MYCBP2: variants seen among roughly 807,000 people sequenced by gnomAD.
The protein encoded by MYCBP2 is E3 ubiquitin-protein ligase MYCBP2.
A neutral mutation model predicts 525.3 loss-of-function variants in MYCBP2; 120 were observed. That is an observed-to-expected ratio of 0.23 (90% confidence interval 0.20 to 0.27). The LOEUF (loss-of-function observed/expected upper bound fraction) is 0.27, where lower values mean the gene tolerates loss of function less well. MYCBP2 is among the 10% of genes least tolerant of loss of function. The pLI, the probability that MYCBP2 is intolerant of heterozygous loss-of-function variation, is 1.00. For missense variants in MYCBP2, 4,149 were observed against 5,657.1 expected (o/e 0.73, Z 8.55); for synonymous variants, 1,894 against 1,955.8 (o/e 0.97, Z 0.83).
intron 59 of MYCBP2, among the ~76,000 whole-genome samples, chr13:77,091,889 C>T (rs1353355734): frequency 6.6e-6 from 1 of 152,038 alleles, no homozygotes; most frequent in African/African-American, 2.4e-5. Flanking sequence ...ATGAGAATCA[C>T]ACTTGTCAGA....
intron 73 of MYCBP2, among the ~76,000 whole-genome samples, chr13:77,063,136 T>C (rs1253880352): frequency 1.3e-4 from 20 of 152,234 alleles, no homozygotes; most frequent in Non-Finnish European, 2.1e-4. Flanking sequence ...AGGTACACAT[T>C]AAATCCTTCT....
chr13:77,270,968 A>G (rs1330418597), intron 5 of MYCBP2, among the ~76,000 whole-genome samples: 1 of 151,842 alleles, frequency 6.6e-6, no homozygotes, highest in Non-Finnish European at 1.5e-5. Flanking sequence ...CTTCAACCAT[A>G]TTATACAATA....
intron 3 of MYCBP2, among the ~76,000 whole-genome samples, chr13:77,286,985 C>T (rs1358584891): frequency 2.2e-5 from 3 of 133,336 alleles, no homozygotes; most frequent in South Asian, 5.0e-4. Flanking sequence ...CCCGGGTTCA[C>T]GCCATTCTCC....
At position 77,190,287 on chromosome 13, in the gene MYCBP2, A is replaced by G. The variant is rs750692290; in HGVS notation, c.4119T>C (p.Asp1373=). ...ACTGAGGTATCTGACCCGCATTAACATCTGTACCATTATTTGATTTCTTTG... is the reference window on the plus strand; with the variant it reads ...ACTGAGGTATCTGACCCGCATTAACGTCTGTACCATTATTTGATTTCTTTG... ...KSSKKSNNGT[D]VNAGQIPQLL... The change falls in exon 29 of 83, where the codon GAT becomes GAC. Residue 1373 remains aspartate (D), a synonymous_variant. Coordinates refer to ENST00000544440, the MANE Select transcript of MYCBP2 (RefSeq NM_015057.5). 3 of 1,610,200 alleles carry G rather than the reference A, an allele frequency of 1.9e-6. No individual in the cohort carries two copies. The East Asian group carries it at 6.7e-5, about 36-fold the overall frequency.
intron 58 of MYCBP2, among the ~76,000 whole-genome samples, chr13:77,094,961 G>T (rs193244858): frequency 1.2e-4 from 19 of 152,234 alleles, no homozygotes; most frequent in Non-Finnish European, 2.1e-4. Flanking sequence ...AGGCTGGTAG[G>T]TGCCCAGTTG....
chr13:77,089,313 T>A lies in MYCBP2; in HGVS notation c.10526-282A>T, dbSNP rs980616326. Among the ~76,000 whole-genome samples, 5 of 152,262 alleles carry A rather than the reference T, an allele frequency of 3.3e-5. No individual in the cohort carries two copies. In the East Asian group the frequency reaches 9.7e-4, roughly 29 times the overall value. On this transcript the variant is annotated intron_variant, in intron 60 of 82. Coordinates refer to ENST00000544440, the MANE Select transcript of MYCBP2 (RefSeq NM_015057.5). Reference sequence around the variant, plus strand: ...CACTCTAAAAGCTAAGTGATTTATATTTTCTCTAAATGAAATCTACATCTC... The same window carrying A: ...CACTCTAAAAGCTAAGTGATTTATAATTTCTCTAAATGAAATCTACATCTC...
intron 54 of MYCBP2, among the ~76,000 whole-genome samples, chr13:77,123,163 C>T (rs2051049876): frequency 6.6e-6 from 1 of 152,146 alleles, no homozygotes; most frequent in Non-Finnish European, 1.5e-5. Flanking sequence ...AATATTATCA[C>T]CAATGAACAG....
intron 18 of MYCBP2, among the ~76,000 whole-genome samples, chr13:77,227,895 G>T (rs2066525641): frequency 6.6e-6 from 1 of 152,010 alleles, no homozygotes; most frequent in African/African-American, 2.4e-5. Flanking sequence ...GTTATTTAGA[G>T]GTCAAAATAA....
At chr13:77,322,973 G>A (rs1432063981) in intron 1 of MYCBP2, among the ~76,000 whole-genome samples, 1 of 152,122 alleles carries the variant, frequency 6.6e-6, no homozygotes, top group African/African-American at 2.4e-5. Flanking sequence ...AAAAATAAAA[G>A]AGTAAGACAT....
intron 15 of MYCBP2, among the ~76,000 whole-genome samples, chr13:77,245,848 GTATACACACACACACACATATA>G (rs1206606914): frequency 2.1e-5 from 2 of 94,936 alleles, no homozygotes; most frequent in Non-Finnish European, 5.7e-5. Flanking sequence ...ATATATATAT[GTATACACACACACACACATATA>G]TATACACACA....
chr13:77,056,768 T>G (rs1446047428), intron 79 of MYCBP2, among the ~76,000 whole-genome samples: 6 of 152,232 alleles, frequency 3.9e-5, no homozygotes, highest in Non-Finnish European at 7.3e-5. Flanking sequence ...TCATGTAATA[T>G]GTTTAACAGA....
chr13:77,311,006 G>A (rs2080131185), intron 1 of MYCBP2, among the ~76,000 whole-genome samples: 1 of 152,084 alleles, frequency 6.6e-6, no homozygotes, highest in African/African-American at 2.4e-5. Context: ...ACAAATAAAA[G>A]CAAATTCTGG....
intron 35 of MYCBP2, among the ~76,000 whole-genome samples, chr13:77,177,335 T>G (rs959995792): frequency 1.0e-4 from 12 of 114,572 alleles, no homozygotes; most frequent in African/African-American, 5.6e-4. Flanking sequence ...CTTTTCTTTC[T>G]TTTTTTTTTT....
intron 55 of MYCBP2, among the ~76,000 whole-genome samples, chr13:77,120,054 T>C (rs2050422958): frequency 6.6e-6 from 1 of 152,232 alleles, no homozygotes; most frequent in African/African-American, 2.4e-5. Flanking sequence ...TTTACTGTGA[T>C]AGCTATTAGT....
Position 77,273,584 on chromosome 13 carries a change from G to C in MYCBP2, c.833C>G (p.Ser278Cys). Residue 278 changes from serine (S) to cysteine (C), a missense_variant, in exon 5 of 83, where the codon TCC (serine) becomes TGC (cysteine). Physicochemically the swap from Ser to Cys is moderately radical, Grantham distance 112 (BLOSUM62 -1). This residue lies in a region of MYCBP2 where 413 missense variants were observed against 451.2 expected (regional missense o/e 0.92). Coordinates refer to ENST00000544440, the MANE Select transcript of MYCBP2 (RefSeq NM_015057.5). The part of the protein sequence containing the change: ...DSTGQSLTAL[S>C]CACLFSLVAS... ...CACCAGACTAAAGAGGCAAGCACAG[G>C]AAAGTGCTGTTAAGGACTGTCCTGT... 1.9e-6 allele frequency: 3 copies of C among 1,613,772 alleles called. No homozygotes were observed. Among genetic ancestry groups the C allele is most frequent in the Non-Finnish European group, 2.5e-6 (3 of 1,179,838 alleles).
intron 44 of MYCBP2, among the ~76,000 whole-genome samples, chr13:77,160,455 G>A (rs1052201504): frequency 6.6e-6 from 1 of 152,094 alleles, no homozygotes; most frequent in Non-Finnish European, 1.5e-5. Context: ...CATTATTACC[G>A]CTTTGATTAA....
chr13:77,093,374 T>C, intron 58 of MYCBP2, 42 bp from the exon 59 acceptor site: 1 of 1,551,296 alleles, frequency 6.4e-7, no homozygotes, highest in Non-Finnish European at 8.8e-7. Context: ...ATGATGGCAA[T>C]ACAGATCCTC....
intron 52 of MYCBP2, among the ~76,000 whole-genome samples, chr13:77,133,256 G>A (rs2053209492): frequency 6.6e-6 from 1 of 152,108 alleles, no homozygotes; most frequent in African/African-American, 2.4e-5. Flanking sequence ...GCAAAAATGA[G>A]AATTATAATA....
chr13:77,194,176 T>C lies in MYCBP2; in HGVS notation c.3912A>G (p.Val1304=). The C allele has an allele frequency of 6.2e-7, 1 of 1,612,970 alleles. No homozygotes were observed. Among genetic ancestry groups the C allele is most frequent in the Non-Finnish European group, 8.5e-7 (1 of 1,179,186 alleles). Residue 1304 remains valine (V), a synonymous_variant, in exon 27 of 83, where the codon GTA becomes GTG. Coordinates refer to ENST00000544440, the MANE Select transcript of MYCBP2 (RefSeq NM_015057.5). The part of the protein sequence containing the change: ...TDGDLLAETD[V]LAYDCAAREK... The stretch of plus-strand genomic sequence containing the variant: ...ACCTAGCAGCACAGTCATAAGCCAA[T>C]ACATCAGTCTCTGCAAGAAGGTCAC...
Sources: allele counts gnomAD v4.1 joint callset (sites outside exome capture counted in the v4.1 genomes callset), GRCh38; gene constraint gnomAD v4.1.1; regional missense constraint gnomAD v4.1.1; transcripts MANE v1.5; gene names NCBI Gene and HGNC (gene_info 2026-07-23, HGNC 2026-07-21).